Variants in WASHC4 observed in about 807,000 individuals in gnomAD.
The protein encoded by WASHC4 is WASH complex subunit 4.
A neutral mutation model predicts 166.6 loss-of-function variants in WASHC4; 86 were observed. The ratio of observed to expected loss-of-function variants is 0.52; its 90% CI spans 0.43 to 0.62. The LOEUF is 0.62. WASHC4 is among the 20% of genes least tolerant of loss of function. The pLI, the probability that WASHC4 is intolerant of heterozygous loss-of-function variation, is 0.00. For synonymous variants in WASHC4, 446 were observed against 451.6 expected, an observed-to-expected ratio of 0.99 and a Z score of 0.16; for missense variants, 1,262 against 1,382.4, an observed-to-expected ratio of 0.91 and a Z score of 1.38.
At chr12:105,159,970 G>A in intron 28 of WASHC4, 31 bp from the exon 29 acceptor site, 1 of 1,609,372 alleles carries the variant, frequency 6.2e-7, no homozygotes, top group Non-Finnish European at 8.5e-7. Context: ...CTTCTTTTGA[G>A]AAAGGAACCA....
At chr12:105,142,651 A>ATT (rs1882966365) in intron 19 of WASHC4, 93 bp downstream of exon 19, 3 of 583,052 alleles carry the variant, frequency 5.1e-6, no homozygotes, top group Non-Finnish European at 8.3e-6. Flanking sequence ...GATTTAATAA[A>ATT]CTTTTAAAAT....
At chr12:105,160,799 T>C (rs1220600545) in intron 29 of WASHC4, among the ~76,000 whole-genome samples, 2 of 152,210 alleles carry the variant, frequency 1.3e-5, no homozygotes, top group Admixed American at 6.5e-5. Flanking sequence ...TTAGCTGTTA[T>C]TATAGTTTTT....
At chr12:105,115,043 A>G (rs1423443191) in intron 4 of WASHC4, 141 bp from the exon 5 acceptor site, 13 of 581,738 alleles carry the variant, frequency 2.2e-5, no homozygotes, top group Non-Finnish European at 3.4e-5. Flanking sequence ...ATTGCTTTAT[A>G]AACAGATTTT....
intron 14 of WASHC4, among the ~76,000 whole-genome samples, chr12:105,136,064 T>C (rs541030772): frequency 2.3e-4 from 35 of 152,282 alleles, no homozygotes; most frequent in African/African-American, 8.4e-4. Flanking sequence ...ACCCAGGTTA[T>C]ATCAATCTAG....
rs1347567337 is a variant in WASHC4, at chr12:105,152,401, C to A, written c.2708C>A (p.Pro903His). 5 of 1,607,046 alleles carry A rather than the reference C, an allele frequency of 3.1e-6. No homozygotes were observed. Among genetic ancestry groups the A allele is most frequent in the East Asian group, 2.2e-5 (1 of 44,802 alleles). ...GGCATCAGAAAACTTGGAGTAACAC[C>A]TGAGGGACAGAGCTACCTTGATCAA... is the stretch of plus-strand genomic sequence containing the variant. ...NRGIRKLGVT[P>H]EGQSYLDQFR... Residue 903 changes from proline (P) to histidine (H), a missense_variant, in exon 26 of 33, where the codon CCT (proline) becomes CAT (histidine). Pro to His is a moderately conservative substitution (Grantham distance 77). Transcript: ENST00000332180.
Position 105,164,137 on chromosome 12 carries a change from G to C in WASHC4, c.3184G>C (p.Asp1062His). 1 of 1,614,094 alleles carries C rather than the reference G, an allele frequency of 6.2e-7. No homozygotes were observed. The highest frequency in any genetic ancestry group is 8.5e-7 in the Non-Finnish European group (1 of 1,179,986). The change falls in exon 31 of 33, where the codon GAT becomes CAT. Residue 1062 changes from aspartate (D) to histidine (H), a missense_variant. Coordinates refer to ENST00000332180, the MANE Select transcript of WASHC4 (RefSeq NM_015275.3). ...MGVAYILKLL[D>H]QYREFDSLHW... ...TGTGGCTTACATTCTAAAGCTTTTGGATCAGTATCGGGAGTTTGATTCACT... is the reference window on the plus strand; with the variant it reads ...TGTGGCTTACATTCTAAAGCTTTTGCATCAGTATCGGGAGTTTGATTCACT...
intron 13 of WASHC4, 57 bp downstream of exon 13, chr12:105,127,346 T>C (rs530144396): frequency 7.5e-5 from 89 of 1,184,162 alleles, no homozygotes; most frequent in Middle Eastern, 4.0e-4. Flanking sequence ...TTTTCAAAGA[T>C]TATACTAACA....
Position 105,137,995 on chromosome 12 carries a change from T to G in WASHC4, c.1436T>G (p.Leu479Arg). 6.2e-7 allele frequency: 1 copy of G among 1,612,846 alleles called. No individual in the cohort carries two copies. The highest frequency in any genetic ancestry group is 8.5e-7 in the Non-Finnish European group (1 of 1,179,162). Residue 479 changes from leucine (L) to arginine (R), a missense_variant, in exon 15 of 33, where the codon CTT becomes CGT. Physicochemically the swap from Leu to Arg is moderately radical, Grantham distance 102 (BLOSUM62 -2). Coordinates refer to ENST00000332180, the MANE Select transcript of WASHC4 (RefSeq NM_015275.3). ...ACCTCAGTTAAGGCATTGTGCAGGCTTGTTGAACTTCTCAAGGTAGGTTTT... is the reference window on the plus strand; with the variant it reads ...ACCTCAGTTAAGGCATTGTGCAGGCGTGTTGAACTTCTCAAGGTAGGTTTT... ...TKTSVKALCR[L>R]VELLKAIEHM...
intron 22 of WASHC4, 143 bp downstream of exon 22, chr12:105,145,015 C>T: frequency 1.2e-6 from 1 of 834,376 alleles, no homozygotes; most frequent in South Asian, 1.9e-5. Flanking sequence ...TTATACTTGA[C>T]AACAGTAAAA....
chr12:105,145,924 A>G (rs770710344), intron 22 of WASHC4, among the ~76,000 whole-genome samples: 4 of 152,132 alleles, frequency 2.6e-5, no homozygotes, highest in Admixed American at 6.5e-5. Flanking sequence ...CTAAAGTCCC[A>G]AGGCCCTGCT....
intron 7 of WASHC4, among the ~76,000 whole-genome samples, 197 bp downstream of exon 7, chr12:105,118,725 G>A (rs537760526): frequency 2.0e-5 from 3 of 152,170 alleles, no homozygotes; most frequent in Admixed American, 2.0e-4. Context: ...CCCATTATCT[G>A]TCTGAATGAC....
rs1212552985 is a variant in WASHC4, at chr12:105,162,831, A to G, written c.3143A>G (p.Asp1048Gly). Residue 1048 changes from aspartate (D) to glycine (G), a missense_variant, in exon 30 of 33, where the codon GAT becomes GGT. Asp to Gly is a moderately conservative substitution (Grantham distance 94, BLOSUM62 -1). Coordinates refer to ENST00000332180, the MANE Select transcript of WASHC4 (RefSeq NM_015275.3). Reference protein sequence around the residue: ...KNKIGAAFTDDGFAMGVAYIL... With the variant: ...KNKIGAAFTDGGFAMGVAYIL... ...AAAATTGGAGCTGCCTTTACTGATG[A>G]TGGCTTTGCCATGGGTAAGCTTAAT... 6.3e-7 allele frequency: 1 copy of G among 1,585,586 alleles called. No homozygotes were observed. Among genetic ancestry groups the G allele is most frequent in the Non-Finnish European group, 8.6e-7 (1 of 1,157,000 alleles).
chr12:105,143,339 ATTAT>A (rs972805184), intron 20 of WASHC4, 96 bp downstream of exon 20: 6 of 721,594 alleles, frequency 8.3e-6, no homozygotes, highest in African/African-American at 7.0e-5. Flanking sequence ...CTGAGTTAAA[ATTAT>A]TTATAAATTG....
chr12:105,115,855 G>C (rs1444202339), intron 6 of WASHC4, 127 bp downstream of exon 6: 1 of 709,030 alleles, frequency 1.4e-6, no homozygotes, highest in Non-Finnish European at 2.6e-6. Flanking sequence ...CACTTAATTA[G>C]CATTGGATTA....
At position 105,111,230 on chromosome 12, in the gene WASHC4, T is replaced by A. The variant is rs779734652; in HGVS notation, c.167T>A (p.Val56Asp). The stretch of plus-strand genomic sequence containing the variant: ...GCTCTGGATGACTCAATTGGAGATG[T>A]TTGGGATTTCAATCTTGATCCTATA... ...EDALDDSIGD[V>D]WDFNLDPIAL... The change falls in exon 2 of 33, where the codon GTT (valine) becomes GAT (aspartate). Residue 56 changes from valine to aspartate, a missense_variant. By Grantham distance (152) the Val-to-Asp change is radical. Transcript: ENST00000332180. The A allele has an allele frequency of 3.1e-6, 5 of 1,610,286 alleles. No homozygotes were observed. Among genetic ancestry groups the A allele is most frequent in the Non-Finnish European group, 4.2e-6 (5 of 1,177,104 alleles).
intron 25 of WASHC4, among the ~76,000 whole-genome samples, chr12:105,151,836 A>G (rs1338231887): frequency 6.6e-6 from 1 of 152,200 alleles, no homozygotes; most frequent in African/African-American, 2.4e-5. Context: ...TATTCATGCT[A>G]TTATGTAAGA....
At chr12:105,161,498 G>T (rs1884494353) in intron 29 of WASHC4, among the ~76,000 whole-genome samples, 1 of 152,192 alleles carries the variant, frequency 6.6e-6, no homozygotes, top group Non-Finnish European at 1.5e-5. Context: ...GTAGACAGCA[G>T]TTAACCCATT....
At chr12:105,157,444 T>G in intron 28 of WASHC4, 122 bp downstream of exon 28, 1 of 618,410 alleles carries the variant, frequency 1.6e-6, no homozygotes, top group Non-Finnish European at 2.9e-6. Flanking sequence ...GGCCTCAGTT[T>G]ATGAAGTATA....
intron 14 of WASHC4, among the ~76,000 whole-genome samples, chr12:105,137,075 T>C (rs145168600): frequency 2.2e-3 from 338 of 152,344 alleles, no homozygotes; most frequent in African/African-American, 7.8e-3. Context: ...TGTGTCTCTT[T>C]TGGGAACTTT....
Sources: allele counts gnomAD v4.1 joint callset (sites outside exome capture counted in the v4.1 genomes callset), GRCh38; gene constraint gnomAD v4.1.1; transcripts MANE v1.5; gene names NCBI Gene and HGNC (gene_info 2026-07-23, HGNC 2026-07-21).